The following IL1RAPL2 variants were observed in gnomAD, a reference collection of about 807,000 sequenced individuals.
IL1RAPL2 encodes the protein X-linked interleukin-1 receptor accessory protein-like 2.
In IL1RAPL2, 3 loss-of-function variants were observed where a neutral mutation model predicts 44.1. That is an observed-to-expected ratio of 0.07 (90% CI 0.03 to 0.18). IL1RAPL2 has a LOEUF of 0.18. IL1RAPL2 is among the 10% of genes least tolerant of loss of function. The pLI is 1.00. For missense variants in IL1RAPL2, 391 were observed against 496.4 expected (o/e 0.79, Z 2.02); for synonymous variants, 181 against 178.8 (o/e 1.01, Z -0.10).
intron 6 of IL1RAPL2, among the ~76,000 whole-genome samples, chrX:105,556,703 T>C (rs1310816755): frequency 1.8e-5 from 2 of 112,223 alleles, no homozygotes; most frequent in African/African-American, 6.5e-5. Context: ...AGGACACATA[T>C]GTGACTGGCT....
At chrX:104,977,535 C>T (rs1190666458) in intron 2 of IL1RAPL2, among the ~76,000 whole-genome samples, 2 of 111,934 alleles carry the variant, frequency 1.8e-5, no homozygotes, top group Non-Finnish European at 3.8e-5. Flanking sequence ...ACCATCTTAC[C>T]TCTCCACCAA....
intron 2 of IL1RAPL2, among the ~76,000 whole-genome samples, chrX:104,674,733 C>T (rs768629297): frequency 1.3e-3 from 146 of 109,567 alleles, no homozygotes; most frequent in Non-Finnish European, 2.4e-3. Context: ...GTCCTGGACT[C>T]TTTTTGGTTG....
intron 6 of IL1RAPL2, among the ~76,000 whole-genome samples, chrX:105,710,573 T>C (rs2038201409): frequency 9.1e-6 from 1 of 110,420 alleles, no homozygotes; most frequent in Non-Finnish European, 1.9e-5. Context: ...AGAGGGCTCT[T>C]CTTTAGAATA....
intron 2 of IL1RAPL2, among the ~76,000 whole-genome samples, chrX:104,839,003 C>G (rs1451963093): frequency 9.3e-6 from 1 of 107,745 alleles, no homozygotes; most frequent in Non-Finnish European, 1.9e-5. Flanking sequence ...GTGCCCACCA[C>G]CACACCTGGC....
intron 2 of IL1RAPL2, among the ~76,000 whole-genome samples, chrX:105,077,566 A>G (rs1373189828): frequency 2.7e-5 from 3 of 110,697 alleles, no homozygotes; most frequent in Non-Finnish European, 5.7e-5. Flanking sequence ...CGTTCTCTGT[A>G]TTTCCTGAAT....
At chrX:104,872,218 C>T (rs1922782983) in intron 2 of IL1RAPL2, among the ~76,000 whole-genome samples, 1 of 111,903 alleles carries the variant, frequency 8.9e-6, no homozygotes, top group African/African-American at 3.2e-5. Context: ...TGAAGCTTTA[C>T]AAAATGTGAA....
At chrX:105,231,159 C>T (rs1455909750) in intron 3 of IL1RAPL2, among the ~76,000 whole-genome samples, 1 of 112,194 alleles carries the variant, frequency 8.9e-6, no homozygotes, top group East Asian at 2.8e-4. Context: ...TTTGGATATC[C>T]AGCAGAGATG....
chrX:104,798,704 T>A (rs1049016404), intron 2 of IL1RAPL2, among the ~76,000 whole-genome samples: 3 of 110,729 alleles, frequency 2.7e-5, no homozygotes, highest in Non-Finnish European at 5.7e-5. Context: ...GCCCACTTAC[T>A]AAGTTTCAAG....
intron 2 of IL1RAPL2, among the ~76,000 whole-genome samples, chrX:104,821,546 T>G (rs1921302993): frequency 8.9e-6 from 1 of 111,881 alleles, no homozygotes; most frequent in African/African-American, 3.2e-5. Flanking sequence ...GTTTCCAGCT[T>G]CATCCATGTC....
At chrX:105,405,921 G>T (rs745856659) in intron 5 of IL1RAPL2, 2 of 1,167,996 alleles carry the variant, frequency 1.7e-6, no homozygotes, top group East Asian at 3.0e-5. Flanking sequence ...TTTGATCAGG[G>T]ATGATGATGT....
chrX:105,322,726 G>C (rs2034905544), intron 5 of IL1RAPL2, among the ~76,000 whole-genome samples: 1 of 111,640 alleles, frequency 9.0e-6, no homozygotes, highest in Non-Finnish European at 1.9e-5. Flanking sequence ...GCTAAACTTG[G>C]GTAGTCTCTT....
chrX:105,226,385 C>CTTTTTTTT (rs35192051), intron 3 of IL1RAPL2, among the ~76,000 whole-genome samples: 9 of 53,332 alleles, frequency 1.7e-4, no homozygotes, highest in African/African-American at 3.8e-4. Flanking sequence ...TTTCTTTTCC[C>CTTTTTTTT]TTTTTTTTTT....
At chrX:104,611,195 G>T (rs1269368136) in intron 1 of IL1RAPL2, among the ~76,000 whole-genome samples, 1 of 111,591 alleles carries the variant, frequency 9.0e-6, no homozygotes, top group African/African-American at 3.3e-5. Flanking sequence ...TATGCTGGGA[G>T]AAACATTGCT....
intron 2 of IL1RAPL2, among the ~76,000 whole-genome samples, chrX:105,156,020 A>G (rs930519152): frequency 7.2e-5 from 8 of 111,808 alleles, no homozygotes; most frequent in African/African-American, 2.6e-4. Context: ...TGCATGCTCT[A>G]AACTCCTAGA....
chrX:104,942,432 A>T (rs920695310), intron 2 of IL1RAPL2, among the ~76,000 whole-genome samples: 4 of 110,467 alleles, frequency 3.6e-5, no homozygotes, highest in South Asian at 3.9e-4. Context: ...TGTAAGTTGG[A>T]TTCCTAGGTA....
intron 5 of IL1RAPL2, among the ~76,000 whole-genome samples, chrX:105,417,656 C>G (rs1347277601): frequency 9.0e-6 from 1 of 110,964 alleles, no homozygotes; most frequent in Non-Finnish European, 1.9e-5. Context: ...TGCTCAAGTT[C>G]CTGTCTTGTA....
At chrX:104,599,639 TG>T (rs200074240) in intron 1 of IL1RAPL2, among the ~76,000 whole-genome samples, 3,288 of 94,535 alleles carry the variant, frequency 0.035, 159 homozygotes, top group African/African-American at 0.13. Flanking sequence ...AGGAAACTTT[TG>T]ATGGATTTAG....
At chrX:105,414,329 T>A (rs2147742396) in intron 5 of IL1RAPL2, among the ~76,000 whole-genome samples, 1 of 111,122 alleles carries the variant, frequency 9.0e-6, no homozygotes, top group Non-Finnish European at 1.9e-5. Flanking sequence ...GGTTTCACCA[T>A]ATAGGCCCGG....
At chrX:105,191,679 A>G (rs892857569) in intron 2 of IL1RAPL2, among the ~76,000 whole-genome samples, 1 of 112,425 alleles carries the variant, frequency 8.9e-6, no homozygotes, top group African/African-American at 3.2e-5. Flanking sequence ...CAGAGAAAGG[A>G]TAATATAGGA....
Sources: allele counts gnomAD v4.1 joint callset (sites outside exome capture counted in the v4.1 genomes callset), GRCh38; gene constraint gnomAD v4.1.1; transcripts MANE v1.5; gene names NCBI Gene and HGNC (gene_info 2026-07-23, HGNC 2026-07-21).